The following TTN variants were observed in gnomAD, a reference collection of about 807,000 sequenced individuals.
TTN encodes connectin.
TTN carries 1,525 observed loss-of-function variants against 3,223.0 expected under a neutral mutation model. That is an observed-to-expected ratio of 0.47 (90% CI 0.45 to 0.49). The LOEUF is 0.49. Among genes scored for constraint, TTN ranks in the 20% least tolerant of loss-of-function variants. TTN has a pLI of 0.00. For missense variants in TTN, 40,786 were observed against 43,424.0 expected (o/e 0.94, Z 5.40); for synonymous variants, 14,094 against 15,161.0 (o/e 0.93, Z 5.17).
chr2:178,636,314 T>C lies in TTN; in HGVS notation c.41330-73A>G, dbSNP rs1368023558. 1 of 1,493,910 alleles carries C rather than the reference T, an allele frequency of 6.7e-7. No homozygotes were observed. The highest frequency in any genetic ancestry group is 1.4e-5 in the African/African-American group (1 of 70,796). The allele number at this position is 1,493,910 out of a possible 1,614,324, so 92.5% of individuals were successfully genotyped here. ...GAAATAAAACTTGGAAATAAGAGGT[T>C]TTGTAAAACTACAATGCAAGTTGCT... On this transcript the variant is annotated intron_variant, in intron 225 of 362. Transcript: ENST00000589042. The surrounding 1 kb of genome is among the most constrained non-coding windows in gnomAD (Gnocchi z 4.3).
rs1433655247 is a variant in TTN, at chr2:178,729,585, G to T, written c.18590-19C>A. 6.2e-7 allele frequency: 1 copy of T among 1,612,148 alleles called. No individual in the cohort carries two copies. On this transcript the variant is annotated intron_variant, in intron 63 of 362. Coordinates refer to ENST00000589042, the MANE Select transcript of TTN (RefSeq NM_001267550.2). ...GGGGGTTCTAAAGATTCAAAAGGAA[G>T]ACAGTAGCTTACTCAAGGGAAGACC...
Position 178,547,561 on chromosome 2 carries a change from A to G in TTN, c.94065T>C (p.Ala31355=), listed in dbSNP as rs751389073. ...TGACACTGGAATTGACAAGCTGCCA[A>G]GCTGTTGTACCCGATTCACGCTTTT... The part of the protein sequence containing the change: ...IVEKRESGTT[A]WQLVNSSVKR... The change falls in exon 339 of 363, where the codon GCT becomes GCC. Residue 31355 remains alanine, a synonymous_variant. Transcript: ENST00000589042. 1 of 1,613,840 alleles carries G rather than the reference A, an allele frequency of 6.2e-7. No individual in the cohort carries two copies. The highest frequency in any genetic ancestry group is 8.5e-7 in the Non-Finnish European group (1 of 1,179,810).
chr2:178,689,793 T>C lies in TTN; in HGVS notation c.31846+20A>G, dbSNP rs886038715. On this transcript the variant is annotated intron_variant, in intron 122 of 362. Transcript: ENST00000589042. ...GTATCAAAGATAAAAGATAGGGCTT[T>C]ACGTCGAAAGCCACTGTACCTTTAG... is the stretch of plus-strand genomic sequence containing the variant. The C allele has an allele frequency of 3.8e-6, 6 of 1,590,594 alleles. No homozygotes were observed. The highest frequency in any genetic ancestry group is 5.1e-6 in the Non-Finnish European group (6 of 1,172,060).
chr2:178,705,307 A>T lies in TTN; in HGVS notation c.29471T>A (p.Met9824Lys), dbSNP rs2075681402. 6.2e-7 allele frequency: 1 copy of T among 1,611,298 alleles called. No individual in the cohort carries two copies. The highest frequency in any genetic ancestry group is 8.5e-7 in the Non-Finnish European group (1 of 1,178,786). The change falls in exon 103 of 363, where the codon ATG becomes AAG. Residue 9824 changes from methionine (M) to lysine (K), a missense_variant. By Grantham distance (95) the Met-to-Lys change is moderately conservative. Transcript: ENST00000589042. ...AGGATCAACATTTTTGAGAAGTTCC[A>T]TGATATCAATTTCCTCTTCTTCTCC... ...GAGEEEEIDI[M>K]ELLKNVDPKE...
At chr2:178,694,381 T>C (rs2073180011) in intron 117 of TTN, 2 of 462,390 alleles carry the variant, frequency 4.3e-6, no homozygotes, top group East Asian at 3.3e-5. Context: ...TTCTTTATAA[T>C]AAAAAAATGT....
In TTN at chr2:178,557,479, T is replaced by G; in HGVS notation, c.87783A>C (p.Pro29261=). 6.2e-7 allele frequency: 1 copy of G among 1,613,942 alleles called. No homozygotes were observed. The highest frequency in any genetic ancestry group is 2.2e-5 in the East Asian group (1 of 44,838). The stretch of plus-strand genomic sequence containing the variant: ...CGACTGCACTGCCTCCATTTGACAC[T>G]GGTTCATGCCAGCCCACAGTGATGC... The part of the protein sequence containing the change: ...RESITVGWHE[P]VSNGGSAVVG... The change falls in exon 329 of 363, where the codon CCA becomes CCC. Residue 29261 remains proline, a synonymous_variant. Coordinates refer to ENST00000589042, the MANE Select transcript of TTN (RefSeq NM_001267550.2).
chr2:178,598,155 G>A, intron 292 of TTN, 97 bp from the exon 293 acceptor site: 1 of 1,355,738 alleles, frequency 7.4e-7, no homozygotes, highest in East Asian at 2.3e-5. Flanking sequence ...CTATTTAACT[G>A]TTTACTCTGG....
intron 6 of TTN, among the ~76,000 whole-genome samples, chr2:178,797,444 T>C (rs1357914238): frequency 6.6e-6 from 1 of 152,146 alleles, no homozygotes; most frequent in Non-Finnish European, 1.5e-5. Flanking sequence ...TTGTCTTTTT[T>C]TGTGTTGCAT....
At position 178,561,997 on chromosome 2, in the gene TTN, T is replaced by C. The variant is rs2154160390; in HGVS notation, c.84135A>G (p.Thr28045=). The C allele has an allele frequency of 6.2e-7, 1 of 1,613,488 alleles. No individual in the cohort carries two copies. The highest frequency in any genetic ancestry group is 1.3e-5 in the African/African-American group (1 of 75,042). ...CAAGGACAATTATAGTAATAGGAAC[T>C]GTTATGGATCCAGCACTGTTTGAAA... ...LCVSNSAGSI[T]VPITIIVLDR... Residue 28045 remains threonine (T), a synonymous_variant, in exon 326 of 363, where the codon ACA becomes ACG. Transcript: ENST00000589042.
chr2:178,605,918 CAAGATT>C (rs1414575172), intron 278 of TTN, among the ~76,000 whole-genome samples: 2 of 151,880 alleles, frequency 1.3e-5, no homozygotes, highest in Non-Finnish European at 2.9e-5. Context: ...AACTTTTCAT[CAAGATT>C]ATCAGTGAAA....
At chr2:178,685,678 G>C in intron 127 of TTN, 80 bp from the exon 128 acceptor site, 6 of 1,406,950 alleles carry the variant, frequency 4.3e-6, no homozygotes, top group Non-Finnish European at 5.9e-6. Flanking sequence ...TCACTTCAAA[G>C]AGTAATCAAA....
intron 51 of TTN, 38 bp downstream of exon 51, chr2:178,734,669 T>C (rs763293389): frequency 2.0e-5 from 32 of 1,572,092 alleles, no homozygotes; most frequent in Non-Finnish European, 2.8e-5. Flanking sequence ...GGAAATCTTT[T>C]CTCAGAAAAA....
In TTN at chr2:178,790,085, G is replaced by A. The variant is rs778221198; in HGVS notation, c.1831C>T (p.Pro611Ser). The A allele has an allele frequency of 1.9e-6, 3 of 1,612,728 alleles. No individual in the cohort carries two copies. The African/African-American group carries it at 4.0e-5, about 22-fold the overall frequency. Residue 611 changes from proline to serine, a missense_variant, in exon 12 of 363, where the codon CCT becomes TCT. Physicochemically the swap from Pro to Ser is moderately conservative, Grantham distance 74 (BLOSUM62 -1). Transcript: ENST00000589042. The stretch of plus-strand genomic sequence containing the variant: ...TTGGGTGTGGCAACTATGACTTTAG[G>A]TACAACTGTTTTCCTAGTTTCCTTC... Reference protein sequence around the residue: ...IMKETRKTVVPKVIVATPKVK... With the variant: ...IMKETRKTVVSKVIVATPKVK...
At position 178,780,066 on chromosome 2, in the gene TTN, TTCTTTTTCATAC is replaced by T. The variant is rs762637057; in HGVS notation, c.3651_3662del (p.Tyr1218_Glu1221del). ...CCATTTTCTTCCTAATTAAGGCTTGTTCTTTTTCATACTCTTTTTCATACTCAGAGTATACAA... is the reference window on the plus strand; with the variant it reads ...CCATTTTCTTCCTAATTAAGGCTTGTTCTTTTTCATACTCAGAGTATACAA... On this transcript the variant is annotated inframe_deletion, in exon 22 of 363. Coordinates refer to ENST00000589042, the MANE Select transcript of TTN (RefSeq NM_001267550.2). The T allele has an allele frequency of 1.1e-4, 171 of 1,613,844 alleles. No individual in the cohort carries two copies. The highest frequency in any genetic ancestry group is 3.3e-4 in the Middle Eastern group (2 of 5,994).
chr2:178,572,665 T>C lies in TTN; in HGVS notation c.73467A>G (p.Val24489=), dbSNP rs2154170265. The change falls in exon 326 of 363, where the codon GTA becomes GTG. Residue 24489 remains valine (V), a synonymous_variant. Coordinates refer to ENST00000589042, the MANE Select transcript of TTN (RefSeq NM_001267550.2). The stretch of plus-strand genomic sequence containing the variant: ...TATATTTGCCACTGTCAAATCTGTT[T>C]ACATTTCCAACAATAAGCAGGGTGT... The part of the protein sequence containing the change: ...SSYTLLIVGN[V]NRFDSGKYIL... The C allele has an allele frequency of 6.2e-7, 1 of 1,613,118 alleles. No individual in the cohort carries two copies. Among genetic ancestry groups the C allele is most frequent in the Non-Finnish European group, 8.5e-7 (1 of 1,179,382 alleles).
intron 218 of TTN, 40 bp from the exon 219 acceptor site, chr2:178,642,357 AT>A: frequency 6.6e-7 from 1 of 1,521,980 alleles, no homozygotes; most frequent in Non-Finnish European, 8.9e-7. Flanking sequence ...GTGAATTTAT[AT>A]AAAAACGGAA....
At position 178,663,861 on chromosome 2, in the gene TTN, G is replaced by T. The variant is rs1187195115; in HGVS notation, c.36406C>A (p.Pro12136Thr). 1 of 1,612,470 alleles carries T rather than the reference G, an allele frequency of 6.2e-7. No individual in the cohort carries two copies. Among genetic ancestry groups the T allele is most frequent in the Non-Finnish European group, 8.5e-7 (1 of 1,179,612 alleles). Reference sequence around the variant, plus strand: ...TCAGGCTCTTTAGGAGGAGCCAAGGGCACTTTCTCTTCGCGGATAACCTCT... The same window carrying T: ...TCAGGCTCTTTAGGAGGAGCCAAGGTCACTTTCTCTTCGCGGATAACCTCT... Reference protein sequence around the residue: ...SKEVIREEKVPLAPPKEPEVP... With the variant: ...SKEVIREEKVTLAPPKEPEVP... The change falls in exon 170 of 363, where the codon CCC becomes ACC. Residue 12136 changes from proline (P) to threonine (T), a missense_variant. By Grantham distance (38) the Pro-to-Thr change is conservative. Transcript: ENST00000589042.
At chr2:178,783,306 C>T (rs531912209) in intron 17 of TTN, among the ~76,000 whole-genome samples, 6 of 152,156 alleles carry the variant, frequency 3.9e-5, no homozygotes, top group Admixed American at 2.0e-4. Context: ...CATGGTATCA[C>T]CAACTGGAAT....
chr2:178,770,159 C>G lies in TTN; in HGVS notation c.8542G>C (p.Val2848Leu). The G allele has an allele frequency of 6.2e-7, 1 of 1,614,166 alleles. No homozygotes were observed. The change falls in exon 36 of 363, where the codon GTC (valine) becomes CTC (leucine). Residue 2848 changes from valine (V) to leucine (L), a missense_variant. By Grantham distance (32) the Val-to-Leu change is conservative (BLOSUM62 1). Transcript: ENST00000589042. ...DKHRLVSERKVHKLMLQNISP... is the reference protein window; with the variant it reads ...DKHRLVSERKLHKLMLQNISP... ...ATGTTCTGCAGCATCAGCTTGTGGA[C>G]TTTCCTTTCTGAGACCAGTCTGTGT...
Sources: gnomAD v4.1 joint callset for allele counts (sites outside exome capture counted in the v4.1 genomes callset) on GRCh38, gnomAD v4.1.1 for gene constraint, Gnocchi (gnomAD v3.1) non-coding constraint, MANE v1.5 for transcripts, NCBI Gene and HGNC (gene_info 2026-07-23, HGNC 2026-07-21) for gene names.